Variants in TMEFF2 observed in about 807,000 individuals in gnomAD.
TMEFF2 encodes tomoregulin-2.
In TMEFF2, 28 loss-of-function variants were observed where a neutral mutation model predicts 53.8. The observed-to-expected ratio is 0.52, with a 90% CI of 0.39 to 0.71. The LOEUF (loss-of-function observed/expected upper bound fraction) is 0.71, where lower values mean the gene tolerates loss of function less well. Among genes scored for constraint, TMEFF2 ranks in the 30% least tolerant of loss-of-function variants. The pLI, the probability that TMEFF2 is intolerant of heterozygous loss-of-function variation, is 0.00. For synonymous variants in TMEFF2, 162 were observed against 166.3 expected (o/e 0.97, Z 0.20); for missense variants, 353 against 455.2 (o/e 0.78, Z 2.04).
At chr2:192,106,812 T>C (rs1242645177) in intron 4 of TMEFF2, among the ~76,000 whole-genome samples, 1 of 151,890 alleles carries the variant, frequency 6.6e-6, no homozygotes, top group African/African-American at 2.4e-5. Flanking sequence ...TAAAAATACA[T>C]CAATAGTGGC....
intron 5 of TMEFF2, among the ~76,000 whole-genome samples, chr2:192,033,510 A>G (rs910288781): frequency 7.3e-6 from 1 of 137,052 alleles, no homozygotes; most frequent in Non-Finnish European, 1.5e-5. Context: ...GCACAAAAAA[A>G]CCAGTTTGGA....
intron 4 of TMEFF2, chr2:192,178,983 T>C (rs1459469830): frequency 6.6e-6 from 1 of 151,254 alleles, no homozygotes; most frequent in Non-Finnish European, 1.5e-5. Flanking sequence ...TTTCAATCTA[T>C]AGGTAAAATC....
chr2:192,098,558 G>A (rs1688966193), intron 4 of TMEFF2, among the ~76,000 whole-genome samples: 1 of 152,200 alleles, frequency 6.6e-6, no homozygotes, highest in Non-Finnish European at 1.5e-5. Flanking sequence ...GTACTACCAT[G>A]TTTTCCAGTT....
chr2:192,043,160 A>G (rs1687526707), intron 5 of TMEFF2, among the ~76,000 whole-genome samples: 1 of 152,214 alleles, frequency 6.6e-6, no homozygotes, highest in Non-Finnish European at 1.5e-5. Context: ...CTAGTGTTTT[A>G]GGATCATGGT....
intron 4 of TMEFF2, among the ~76,000 whole-genome samples, chr2:192,060,472 G>A (rs1353916702): frequency 1.3e-5 from 2 of 152,156 alleles, no homozygotes; most frequent in Non-Finnish European, 2.9e-5. Context: ...CTGTAAACAT[G>A]AAACAGACTA....
Position 192,018,446 on chromosome 2 carries a change from A to G in TMEFF2, c.537-19238T>C, listed in dbSNP as rs1686789787. ...CTCCTTCCTTCTCAATTTTGCAAAC[A>G]TTTTTCACTTATTCATACGCTTTAA... On this transcript the variant is annotated intron_variant, in intron 5 of 9. Transcript: ENST00000272771. Among the ~76,000 whole-genome samples, 3 of 152,178 alleles carry G rather than the reference A, an allele frequency of 2.0e-5. No homozygotes were observed. In the South Asian group the frequency reaches 6.2e-4, roughly 32 times the overall value.
intron 7 of TMEFF2, among the ~76,000 whole-genome samples, chr2:191,981,430 T>C (rs903274850): frequency 2.0e-5 from 3 of 152,182 alleles, no homozygotes; most frequent in African/African-American, 7.2e-5. Context: ...GTTACACACA[T>C]CAGCTGGAAT....
intron 4 of TMEFF2, among the ~76,000 whole-genome samples, chr2:192,108,827 A>C (rs571833017): frequency 1.6e-4 from 24 of 152,172 alleles, no homozygotes; most frequent in African/African-American, 5.3e-4. Flanking sequence ...ATAGATTAAA[A>C]AATGTAATAT....
intron 4 of TMEFF2, among the ~76,000 whole-genome samples, chr2:192,136,742 C>G (rs1035776337): frequency 1.3e-5 from 2 of 151,976 alleles, no homozygotes; most frequent in African/African-American, 2.4e-5. Flanking sequence ...CTTTTTTAAA[C>G]ATTAAGTTTC....
chr2:192,090,173 T>C (rs918245456), intron 4 of TMEFF2, among the ~76,000 whole-genome samples: 2 of 152,174 alleles, frequency 1.3e-5, no homozygotes, highest in Non-Finnish European at 2.9e-5. Context: ...CAGATTGGGG[T>C]CATAGTTTAT....
chr2:192,012,071 T>C (rs925979763), intron 5 of TMEFF2, among the ~76,000 whole-genome samples: 7 of 151,936 alleles, frequency 4.6e-5, no homozygotes, highest in Non-Finnish European at 8.8e-5. Flanking sequence ...GCCCGGCTAA[T>C]TTTTTGTATT....
At position 191,953,798 on chromosome 2, in the gene TMEFF2, CT is replaced by C. The variant is rs1553506636; in HGVS notation, c.908del (p.Lys303ArgfsTer19). On this transcript the variant is annotated frameshift_variant, in exon 9 of 10. Transcript: ENST00000272771. LOFTEE classifies it high-confidence loss of function. ...GAACAACGTATAGAACACTGTAGTC[CT>C]TTTTTTCACAGTGTTGTCCAGTATA... ...AGYTGQHCEK[K>X]DYSVLYVVPG... 1.2e-6 allele frequency: 2 copies of C among 1,612,274 alleles called. No individual in the cohort carries two copies. The highest frequency in any genetic ancestry group is 2.2e-5 in the East Asian group (1 of 44,780).
At chr2:192,081,685 C>T (rs1688555504) in intron 4 of TMEFF2, among the ~76,000 whole-genome samples, 1 of 151,538 alleles carries the variant, frequency 6.6e-6, no homozygotes, top group East Asian at 1.9e-4. Flanking sequence ...GGGCATATTA[C>T]ATGGAAAAAT....
chr2:192,025,795 G>A (rs1368419045), intron 5 of TMEFF2, among the ~76,000 whole-genome samples: 4 of 152,170 alleles, frequency 2.6e-5, no homozygotes, highest in Admixed American at 2.6e-4. Flanking sequence ...GTGCTAGCTC[G>A]AGGGGGCCTG....
intron 3 of TMEFF2, among the ~76,000 whole-genome samples, 178 bp from the exon 4 acceptor site, chr2:192,179,872 T>G (rs975650862): frequency 8.6e-5 from 13 of 151,592 alleles, no homozygotes; most frequent in Admixed American, 4.0e-4. Flanking sequence ...TTAATGTAAC[T>G]TCTATAATAA....
chr2:192,073,202 A>T (rs370733126), intron 4 of TMEFF2, among the ~76,000 whole-genome samples: 2 of 151,976 alleles, frequency 1.3e-5, no homozygotes, highest in Admixed American at 6.6e-5. Flanking sequence ...AATGGGGAAG[A>T]TGTGTTTTAA....
intron 2 of TMEFF2, among the ~76,000 whole-genome samples, chr2:192,184,815 A>G (rs1382347756): frequency 2.6e-5 from 4 of 152,120 alleles, no homozygotes; most frequent in Non-Finnish European, 4.4e-5. Context: ...TGTAGCCCAT[A>G]TGACTTGATG....
At chr2:192,187,718 T>C (rs1386407739) in intron 2 of TMEFF2, among the ~76,000 whole-genome samples, 8 of 152,190 alleles carry the variant, frequency 5.3e-5, no homozygotes, top group Non-Finnish European at 7.4e-5. Flanking sequence ...GTTTTAAAAA[T>C]CTTATGTTTA....
chr2:192,070,977 G>T (rs1475673881), intron 4 of TMEFF2, among the ~76,000 whole-genome samples: 1 of 151,774 alleles, frequency 6.6e-6, no homozygotes, highest in Non-Finnish European at 1.5e-5. Flanking sequence ...GTGACACGGG[G>T]TCACTTCAGG....
Sources: allele counts gnomAD v4.1 joint callset (sites outside exome capture counted in the v4.1 genomes callset), GRCh38; gene constraint gnomAD v4.1.1; transcripts MANE v1.5; gene names NCBI Gene and HGNC (gene_info 2026-07-23, HGNC 2026-07-21).